The following GPC5 variants were observed in gnomAD, a reference collection of about 807,000 sequenced individuals.
GPC5 encodes the protein glypican-5.
In GPC5, 47 loss-of-function variants were observed where a neutral mutation model predicts 53.9. That is an observed-to-expected ratio of 0.87 (90% confidence interval 0.69 to 1.11). The LOEUF (loss-of-function observed/expected upper bound fraction) is 1.11, where lower values mean the gene tolerates loss of function less well. Ranked by LOEUF, GPC5 falls within the 50% of genes most tolerant of loss-of-function variation. The pLI, the probability that GPC5 is intolerant of heterozygous loss-of-function variation, is 0.00. For missense variants in GPC5, 748 were observed against 713.1 expected (o/e 1.05, Z -0.56); for synonymous variants, 286 against 263.3 (o/e 1.09, Z -0.84).
chr13:92,785,743 A>G (rs943583678), intron 7 of GPC5, among the ~76,000 whole-genome samples: 1 of 152,208 alleles, frequency 6.6e-6, no homozygotes, highest in African/African-American at 2.4e-5. Context: ...CAAGACACAG[A>G]CTGCTTCTGT....
chr13:92,530,746 C>T (rs1222504458), intron 7 of GPC5, among the ~76,000 whole-genome samples: 1 of 152,146 alleles, frequency 6.6e-6, no homozygotes, highest in Non-Finnish European at 1.5e-5. Flanking sequence ...TGAATAAATG[C>T]CTTCCACCAT....
chr13:91,497,629 A>G (rs1019991864), intron 2 of GPC5, among the ~76,000 whole-genome samples: 7 of 152,178 alleles, frequency 4.6e-5, no homozygotes, highest in Admixed American at 1.3e-4. Context: ...TTTAAGTACC[A>G]TCTATTGAGG....
chr13:92,103,076 G>A (rs963603936), intron 6 of GPC5, among the ~76,000 whole-genome samples: 1 of 151,896 alleles, frequency 6.6e-6, no homozygotes, highest in African/African-American at 2.4e-5. Flanking sequence ...TGCCCACACT[G>A]TTTTCGAACT....
chr13:92,388,258 G>A (rs1370255043), intron 7 of GPC5, among the ~76,000 whole-genome samples: 1 of 151,886 alleles, frequency 6.6e-6, no homozygotes, highest in Non-Finnish European at 1.5e-5. Context: ...TTGATTAATT[G>A]TTTTGATCTC....
At chr13:91,669,387 C>T (rs2035192419) in intron 2 of GPC5, among the ~76,000 whole-genome samples, 1 of 152,086 alleles carries the variant, frequency 6.6e-6, no homozygotes, top group Admixed American at 6.6e-5. Flanking sequence ...TTGGAGAAAC[C>T]CCTCCACAAT....
intron 7 of GPC5, among the ~76,000 whole-genome samples, chr13:92,333,451 C>T (rs559450314): frequency 1.3e-5 from 2 of 152,216 alleles, no homozygotes; most frequent in Admixed American, 6.5e-5. Context: ...TACAGAATCT[C>T]AGCCCACTCT....
At chr13:92,116,952 A>T (rs940671600) in intron 6 of GPC5, among the ~76,000 whole-genome samples, 7 of 152,106 alleles carry the variant, frequency 4.6e-5, no homozygotes, top group African/African-American at 1.4e-4. Context: ...TCTTTATCAG[A>T]TGTGTGATTT....
Position 91,572,260 on chromosome 13 carries a change from T to C in GPC5, c.326-120927T>C, listed in dbSNP as rs376162770. Among the ~76,000 whole-genome samples, 57 of 150,904 alleles carry C rather than the reference T, an allele frequency of 3.8e-4. 1 individual carries two copies. The highest frequency in any genetic ancestry group is 5.9e-4 in the East Asian group (3 of 5,110). On this transcript the variant is annotated intron_variant, in intron 2 of 7. Transcript: ENST00000377067. Reference sequence around the variant, plus strand: ...ATACATGTGTATATATATACACATATGTATATACATGTGTATATATGTATG... The same window carrying C: ...ATACATGTGTATATATATACACATACGTATATACATGTGTATATATGTATG...
intron 7 of GPC5, among the ~76,000 whole-genome samples, chr13:92,428,098 C>T (rs534320651): frequency 3.9e-5 from 6 of 152,124 alleles, no homozygotes; most frequent in East Asian, 3.9e-4. Flanking sequence ...CTATTACTAC[C>T]GTGGTCAACA....
chr13:92,041,535 G>A (rs2040941684), intron 6 of GPC5, among the ~76,000 whole-genome samples: 1 of 152,078 alleles, frequency 6.6e-6, no homozygotes, highest in Admixed American at 6.6e-5. Context: ...AGGAAACCAG[G>A]CCTAAAAATA....
At chr13:92,279,084 T>C (rs2042895499) in intron 7 of GPC5, among the ~76,000 whole-genome samples, 1 of 152,084 alleles carries the variant, frequency 6.6e-6, no homozygotes, top group African/African-American at 2.4e-5. Context: ...TTTGATTGAG[T>C]TGCACTGAAT....
chr13:92,646,009 C>G (rs1885755005), intron 7 of GPC5, among the ~76,000 whole-genome samples: 1 of 151,808 alleles, frequency 6.6e-6, no homozygotes, highest in South Asian at 2.1e-4. Flanking sequence ...TTTTTAAGAC[C>G]AGAGTTCTTA....
chr13:91,825,093 A>T (rs1463878717), intron 5 of GPC5, among the ~76,000 whole-genome samples: 1 of 151,638 alleles, frequency 6.6e-6, no homozygotes, highest in Non-Finnish European at 1.5e-5. Flanking sequence ...GATTTAACAT[A>T]TATTTGTTTT....
At chr13:91,411,976 C>T (rs1877827699) in intron 1 of GPC5, among the ~76,000 whole-genome samples, 1 of 152,246 alleles carries the variant, frequency 6.6e-6, no homozygotes, top group Non-Finnish European at 1.5e-5. Flanking sequence ...TCAGTTGCTT[C>T]ATAATCATGC....
At chr13:91,952,401 T>C (rs2040035459) in intron 6 of GPC5, among the ~76,000 whole-genome samples, 1 of 152,184 alleles carries the variant, frequency 6.6e-6, no homozygotes, top group Admixed American at 6.5e-5. Flanking sequence ...CAGAGTGTGA[T>C]CCTGAATCTG....
chr13:92,813,230 G>A (rs894615840), intron 7 of GPC5, among the ~76,000 whole-genome samples: 1 of 151,804 alleles, frequency 6.6e-6, no homozygotes, highest in South Asian at 2.1e-4. Context: ...CATTTTTGTT[G>A]AAATAAGATT....
chr13:91,557,035 A>G (rs1319002994), intron 2 of GPC5, among the ~76,000 whole-genome samples: 3 of 152,052 alleles, frequency 2.0e-5, no homozygotes, highest in African/African-American at 7.2e-5. Context: ...TTTTGGGTGG[A>G]CGTAGTTTTT....
chr13:92,275,262 T>C (rs2042867462), intron 7 of GPC5, among the ~76,000 whole-genome samples: 1 of 152,144 alleles, frequency 6.6e-6, no homozygotes, highest in Non-Finnish European at 1.5e-5. Flanking sequence ...TCTGTATTTT[T>C]TCTAATATTT....
chr13:92,073,494 T>C (rs2041229219), intron 6 of GPC5, among the ~76,000 whole-genome samples: 1 of 152,216 alleles, frequency 6.6e-6, no homozygotes, highest in South Asian at 2.1e-4. Context: ...ATATTGGACT[T>C]TCTATGTCAT....
Sources: gnomAD v4.1 joint callset for allele counts (sites outside exome capture counted in the v4.1 genomes callset) on GRCh38, gnomAD v4.1.1 for gene constraint, MANE v1.5 for transcripts, NCBI Gene and HGNC (gene_info 2026-07-23, HGNC 2026-07-21) for gene names.